The following TMTC2 variants were observed in gnomAD, a reference collection of about 807,000 sequenced individuals.
TMTC2 encodes the protein transmembrane O-mannosyltransferase targeting cadherins 2, also known as protein O-mannosyl-transferase TMTC2.
Under a neutral mutation model 82.4 loss-of-function variants are expected in TMTC2, and 43 were observed. The observed-to-expected ratio is 0.52, with a 90% CI of 0.41 to 0.67. The LOEUF (loss-of-function observed/expected upper bound fraction) is 0.67, where lower values mean the gene tolerates loss of function less well. Among genes scored for constraint, TMTC2 ranks in the 30% least tolerant of loss-of-function variants. The pLI, the probability that TMTC2 is intolerant of heterozygous loss-of-function variation, is 0.00. For missense variants in TMTC2, 919 were observed against 1,012.4 expected (o/e 0.91, Z 1.25); for synonymous variants, 408 against 381.9 (o/e 1.07, Z -0.80).
In TMTC2 at chr12:82,857,258, G is replaced by T; in HGVS notation, c.332G>T (p.Gly111Val). Reference sequence around the variant, plus strand: ...ACAAGCTTCTCCAAGATCCTCCTTGGTGATGGATACTGGACATTCATGGCT... The same window carrying T: ...ACAAGCTTCTCCAAGATCCTCCTTGTTGATGGATACTGGACATTCATGGCT... Reference protein sequence around the residue: ...LFTSFSKILLGDGYWTFMAGL... With the variant: ...LFTSFSKILLVDGYWTFMAGL... Residue 111 changes from glycine to valine, a missense_variant, in exon 2 of 12, where the codon GGT becomes GTT. By Grantham distance (109) the Gly-to-Val change is moderately radical. Coordinates refer to ENST00000321196, the MANE Select transcript of TMTC2 (RefSeq NM_152588.3). 4 of 1,614,144 alleles carry T rather than the reference G, an allele frequency of 2.5e-6. No homozygotes were observed. The highest frequency in any genetic ancestry group is 3.4e-6 in the Non-Finnish European group (4 of 1,180,038).
At chr12:82,721,755 T>A (rs1874217413) in intron 1 of TMTC2, among the ~76,000 whole-genome samples, 1 of 152,230 alleles carries the variant, frequency 6.6e-6, no homozygotes, top group African/African-American at 2.4e-5. Flanking sequence ...CCTGACTAAA[T>A]TTCTGAGATT....
intron 11 of TMTC2, among the ~76,000 whole-genome samples, chr12:83,094,056 T>C (rs1883936608): frequency 6.6e-6 from 1 of 152,106 alleles, no homozygotes. Flanking sequence ...TCAGGGAAAA[T>C]GGGGTGTCCT....
intron 2 of TMTC2, among the ~76,000 whole-genome samples, chr12:82,892,358 A>G (rs1335553838): frequency 3.3e-5 from 5 of 152,204 alleles, no homozygotes; most frequent in Admixed American, 3.3e-4. Flanking sequence ...TTCATTATTC[A>G]TATCTTTATA....
chr12:83,099,948 C>G (rs1015276522), intron 11 of TMTC2, among the ~76,000 whole-genome samples: 2 of 149,658 alleles, frequency 1.3e-5, no homozygotes, highest in Non-Finnish European at 3.0e-5. Flanking sequence ...TGGAGTCTCT[C>G]TCCGTCACCC....
intron 8 of TMTC2, among the ~76,000 whole-genome samples, chr12:83,001,307 C>A (rs955693615): frequency 4.6e-5 from 7 of 152,056 alleles, no homozygotes; most frequent in African/African-American, 1.4e-4. Context: ...TAACAGCACC[C>A]AAGTCATCTC....
At chr12:82,784,183 G>A (rs1878053447) in intron 1 of TMTC2, among the ~76,000 whole-genome samples, 1 of 151,896 alleles carries the variant, frequency 6.6e-6, no homozygotes, top group South Asian at 2.1e-4. Flanking sequence ...AATATTGTAA[G>A]TCTAAAATAA....
intron 11 of TMTC2, among the ~76,000 whole-genome samples, chr12:83,069,840 T>C (rs1883049119): frequency 6.6e-6 from 1 of 152,190 alleles, no homozygotes; most frequent in African/African-American, 2.4e-5. Flanking sequence ...TTTAAGTCCT[T>C]AATCCATCTT....
intron 2 of TMTC2, among the ~76,000 whole-genome samples, chr12:82,872,737 G>C (rs755770525): frequency 1.3e-5 from 2 of 152,104 alleles, no homozygotes; most frequent in African/African-American, 4.8e-5. Flanking sequence ...TCTTGTGTGG[G>C]TTGTAAAGAT....
intron 3 of TMTC2, among the ~76,000 whole-genome samples, chr12:82,918,043 C>T (rs1267746676): frequency 6.6e-6 from 1 of 152,136 alleles, no homozygotes; most frequent in Non-Finnish European, 1.5e-5. Context: ...TCTAGCGATT[C>T]CCTCACCCCA....
intron 1 of TMTC2, among the ~76,000 whole-genome samples, chr12:82,797,693 A>T (rs1250453614): frequency 6.6e-6 from 1 of 152,076 alleles, no homozygotes; most frequent in Non-Finnish European, 1.5e-5. Context: ...GCTTTGAATT[A>T]TCTGACAGTG....
In TMTC2 at chr12:82,872,007, C is replaced by CCG. The variant is rs1260571692; in HGVS notation, c.654+14428_654+14429insGC. 6.1e-4 allele frequency among the ~76,000 whole-genome samples: 44 copies of CCG among 72,684 alleles called. 1 individual carries two copies. Among genetic ancestry groups the CCG allele is most frequent in the African/African-American group, 4.1e-3 (44 of 10,776 alleles). The allele number at this position is 72,684 out of a possible 152,430, so 47.7% of individuals were successfully genotyped here. On this transcript the variant is annotated intron_variant, in intron 2 of 11. Coordinates refer to ENST00000321196, the MANE Select transcript of TMTC2 (RefSeq NM_152588.3). Reference sequence around the variant, plus strand: ...ATATTACAAAAAAGTTGAACAACACCCCCCCCCCCGCCCACACCCCGCAGT... The same window carrying CCG: ...ATATTACAAAAAAGTTGAACAACACCCGCCCCCCCCCGCCCACACCCCGCAGT...
chr12:82,858,631 A>G (rs951506754), intron 2 of TMTC2, among the ~76,000 whole-genome samples: 4 of 150,886 alleles, frequency 2.7e-5, no homozygotes, highest in African/African-American at 9.7e-5. Flanking sequence ...CGAAACATCA[A>G]TTTTTTTAAA....
intron 1 of TMTC2, among the ~76,000 whole-genome samples, chr12:82,756,178 G>C (rs1359321728): frequency 6.6e-6 from 1 of 152,006 alleles, no homozygotes; most frequent in African/African-American, 2.4e-5. Context: ...CTAACTTCTT[G>C]AGTTGGATAC....
At chr12:83,083,696 C>A (rs2403056) in intron 11 of TMTC2, among the ~76,000 whole-genome samples, 56,737 of 152,000 alleles carry the variant, frequency 0.37, 10,616 homozygotes, top group Middle Eastern at 0.42. Flanking sequence ...GGACATCTTG[C>A]AGCACTGAGT....
chr12:83,097,637 A>G (rs532182803), intron 11 of TMTC2, among the ~76,000 whole-genome samples: 2 of 152,356 alleles, frequency 1.3e-5, no homozygotes, highest in Admixed American at 6.5e-5. Context: ...AGAGAGACAA[A>G]AAATATAAAA....
intron 8 of TMTC2, among the ~76,000 whole-genome samples, chr12:82,999,906 C>A (rs758364553): frequency 6.6e-6 from 1 of 152,160 alleles, no homozygotes; most frequent in Non-Finnish European, 1.5e-5. Context: ...CAACAGTCTC[C>A]CAAAGTCTTA....
Position 83,102,956 on chromosome 12 carries a change from T to A in TMTC2, c.2332-29254T>A, listed in dbSNP as rs375344083. Among the ~76,000 whole-genome samples, 5 of 152,328 alleles carry A rather than the reference T, an allele frequency of 3.3e-5. No homozygotes were observed. The East Asian group carries it at 7.7e-4, about 24-fold the overall frequency. On this transcript the variant is annotated intron_variant, in intron 11 of 11. Transcript: ENST00000321196. ...CTGTCAGTACGGCAATACACAAAGA[T>A]ACTCTCCCCTAGATTCTTTCCTCTG... is the stretch of plus-strand genomic sequence containing the variant.
At chr12:82,975,359 A>G (rs544150423) in intron 7 of TMTC2, among the ~76,000 whole-genome samples, 2 of 152,288 alleles carry the variant, frequency 1.3e-5, no homozygotes, top group East Asian at 1.9e-4. Flanking sequence ...TTTTAATTTT[A>G]TCTACACTGA....
intron 1 of TMTC2, among the ~76,000 whole-genome samples, chr12:82,709,228 G>A (rs117600207): frequency 0.014 from 2,165 of 152,218 alleles, 22 homozygotes; most frequent in Middle Eastern, 0.058. Context: ...TCAGTGTCAG[G>A]ACCCAGGATT....
Sources: gnomAD v4.1 joint callset for allele counts (sites outside exome capture counted in the v4.1 genomes callset) on GRCh38, gnomAD v4.1.1 for gene constraint, MANE v1.5 for transcripts, NCBI Gene and HGNC (gene_info 2026-07-23, HGNC 2026-07-21) for gene names.